CCDC146: variants seen among roughly 807,000 people sequenced by gnomAD.
CCDC146 encodes the protein coiled-coil domain containing 146.
In CCDC146, 92 loss-of-function variants were observed where a neutral mutation model predicts 119.3. The observed-to-expected ratio is 0.77, with a 90% CI of 0.65 to 0.92. The LOEUF is 0.92. Ranked by LOEUF, CCDC146 falls within the 40% of genes least tolerant of loss-of-function variation. The probability of loss-of-function intolerance (pLI) is 0.00; values close to 1 mark genes in which losing one functional copy is unlikely to be tolerated. For missense variants in CCDC146, 1,000 were observed against 1,103.0 expected (o/e 0.91, Z 1.32); for synonymous variants, 372 against 371.8 (o/e 1.00, Z -0.01).
chr7:77,124,965 G>T (rs1029693485), intron 1 of CCDC146, among the ~76,000 whole-genome samples: 2 of 151,280 alleles, frequency 1.3e-5, no homozygotes, highest in Non-Finnish European at 2.9e-5. Flanking sequence ...GGCTGAGACA[G>T]GTGGATCACC....
At chr7:77,279,361 G>T (rs866577546) in intron 13 of CCDC146, among the ~76,000 whole-genome samples, 1 of 152,142 alleles carries the variant, frequency 6.6e-6, no homozygotes, top group Non-Finnish European at 1.5e-5. Context: ...TTGTTTTATA[G>T]ATGATAATCT....
intron 2 of CCDC146, among the ~76,000 whole-genome samples, chr7:77,210,635 C>A (rs370054352): frequency 6.6e-6 from 1 of 152,152 alleles, no homozygotes; most frequent in African/African-American, 2.4e-5. Flanking sequence ...TCTCTGGTAC[C>A]AATTTTCTGT....
intron 18 of CCDC146, among the ~76,000 whole-genome samples, chr7:77,294,237 G>T (rs997302964): frequency 1.3e-5 from 2 of 152,132 alleles, no homozygotes; most frequent in African/African-American, 4.8e-5. Flanking sequence ...CAAAAACAGG[G>T]AAATAATTAG....
intron 2 of CCDC146, among the ~76,000 whole-genome samples, chr7:77,212,996 C>T (rs1792218159): frequency 7.0e-6 from 1 of 143,716 alleles, no homozygotes; most frequent in Non-Finnish European, 1.5e-5. Context: ...TAGGTGGTGC[C>T]ATCAACTTTG....
At chr7:77,243,973 G>T (rs988166493) in intron 4 of CCDC146, among the ~76,000 whole-genome samples, 6 of 152,118 alleles carry the variant, frequency 3.9e-5, no homozygotes, top group Non-Finnish European at 7.4e-5. Flanking sequence ...CCACTTGCTG[G>T]GTTCAAGCAA....
intron 4 of CCDC146, among the ~76,000 whole-genome samples, chr7:77,249,940 C>T (rs569905138): frequency 2.6e-5 from 4 of 152,018 alleles, no homozygotes; most frequent in Non-Finnish European, 5.9e-5. Context: ...TAATATAATT[C>T]CATTTTCTCT....
chr7:77,275,750 C>T (rs1452680318), intron 11 of CCDC146, among the ~76,000 whole-genome samples: 1 of 152,116 alleles, frequency 6.6e-6, no homozygotes, highest in African/African-American at 2.4e-5. Context: ...GTGCAACATT[C>T]CCCCCTAAAA....
intron 2 of CCDC146, among the ~76,000 whole-genome samples, chr7:77,218,442 C>T (rs1363508378): frequency 2.0e-5 from 3 of 151,868 alleles, no homozygotes; most frequent in African/African-American, 2.4e-5. Context: ...ACACATTGAA[C>T]GAATGGGGCA....
intron 2 of CCDC146, among the ~76,000 whole-genome samples, chr7:77,214,436 T>A (rs1792260272): frequency 6.6e-6 from 1 of 152,172 alleles, no homozygotes; most frequent in African/African-American, 2.4e-5. Context: ...TTTGCTGTGC[T>A]GAATCTCTTT....
intron 2 of CCDC146, among the ~76,000 whole-genome samples, chr7:77,231,820 T>G (rs1792635272): frequency 2.9e-5 from 3 of 102,554 alleles, no homozygotes; most frequent in Non-Finnish European, 7.2e-5. Flanking sequence ...TTGTTGTTGT[T>G]TTTTTTTTTT....
intron 2 of CCDC146, among the ~76,000 whole-genome samples, chr7:77,200,636 T>G (rs1791970293): frequency 6.6e-6 from 1 of 152,216 alleles, no homozygotes; most frequent in African/African-American, 2.4e-5. Context: ...TCTTTGCCCT[T>G]TCTTTCTGCA....
Position 77,286,893 on chromosome 7 carries a change from G to A in CCDC146, c.2244G>A (p.Leu748=). The A allele has an allele frequency of 6.2e-7, 1 of 1,614,070 alleles. No individual in the cohort carries two copies. Among genetic ancestry groups the A allele is most frequent in the Non-Finnish European group, 8.5e-7 (1 of 1,179,976 alleles). The change falls in exon 16 of 19, where the codon CTG becomes CTA. Residue 748 remains leucine (L), a synonymous_variant. Transcript: ENST00000285871. ...CTCGCTTCCTTCCAGGGAAAGATCT[G>A]ACCGAAAAAGAAATGATCCAAAAAT... ...NRARFLPGKD[L]TEKEMIQKLD...
Position 77,282,717 on chromosome 7 carries a change from T to A in CCDC146, c.2080T>A (p.Cys694Ser). 6.2e-7 allele frequency: 1 copy of A among 1,614,192 alleles called. No homozygotes were observed. Among genetic ancestry groups the A allele is most frequent in the Non-Finnish European group, 8.5e-7 (1 of 1,180,022 alleles). The change falls in exon 15 of 19, where the codon TGT becomes AGT. Residue 694 changes from cysteine (C) to serine (S), a missense_variant. Coordinates refer to ENST00000285871, the MANE Select transcript of CCDC146 (RefSeq NM_020879.3). The stretch of plus-strand genomic sequence containing the variant: ...GATTGCTGAGAAGCAAAGACAAATT[T>A]GTGTGACCCAGAAATTACTGCCAGC... ...MKIAEKQRQICVTQKLLPAKR... is the reference protein window; with the variant it reads ...MKIAEKQRQISVTQKLLPAKR...
intron 5 of CCDC146, among the ~76,000 whole-genome samples, chr7:77,255,842 G>A (rs1224514608): frequency 6.6e-6 from 1 of 152,148 alleles, no homozygotes; most frequent in East Asian, 1.9e-4. Context: ...ATAAGAAAGT[G>A]GGGGATTAAG....
intron 1 of CCDC146, among the ~76,000 whole-genome samples, chr7:77,149,786 CG>C (rs1791082682): frequency 7.3e-6 from 1 of 136,104 alleles, no homozygotes; most frequent in African/African-American, 2.8e-5. Flanking sequence ...AAAAAAAAAG[CG>C]AGAGAGAGAG....
intron 1 of CCDC146, among the ~76,000 whole-genome samples, chr7:77,161,951 G>C (rs75856681): frequency 6.6e-6 from 1 of 151,812 alleles, no homozygotes; most frequent in African/African-American, 2.4e-5. Flanking sequence ...TGTTTTCTTC[G>C]GAAAAATGTC....
At chr7:77,193,502 G>C (rs374947735) in intron 2 of CCDC146, 1 of 152,136 alleles carries the variant, frequency 6.6e-6, no homozygotes, top group African/African-American at 2.4e-5. Context: ...TTTTAAACAA[G>C]AGCTTATTGT....
chr7:77,255,476 C>A (rs7357159), intron 5 of CCDC146: 2 of 152,160 alleles, frequency 1.3e-5, no homozygotes, highest in African/African-American at 4.8e-5. Context: ...ACAATAAAAC[C>A]TGTTTAGCAT....
At chr7:77,208,423 A>G (rs756867537) in intron 2 of CCDC146, among the ~76,000 whole-genome samples, 6 of 152,228 alleles carry the variant, frequency 3.9e-5, no homozygotes, top group Non-Finnish European at 8.8e-5. Flanking sequence ...ACAGTGTGCT[A>G]GCATGTTACT....
Sources: allele counts gnomAD v4.1 joint callset (sites outside exome capture counted in the v4.1 genomes callset), GRCh38; gene constraint gnomAD v4.1.1; transcripts MANE v1.5; gene names NCBI Gene and HGNC (gene_info 2026-07-23, HGNC 2026-07-21).